TRANK1: variants seen among roughly 807,000 people sequenced by gnomAD.
TRANK1 encodes tetratricopeptide repeat and ankyrin repeat containing 1.
TRANK1 carries 198 observed loss-of-function variants against 266.0 expected under a neutral mutation model. That is an observed-to-expected ratio of 0.74 (90% CI 0.66 to 0.84). The LOEUF is 0.84. Ranked by LOEUF, TRANK1 falls within the 40% of genes least tolerant of loss-of-function variation. The probability of loss-of-function intolerance (pLI) is 0.00; values close to 1 mark genes in which losing one functional copy is unlikely to be tolerated. For synonymous variants in TRANK1, 1,396 were observed against 1,384.1 expected, an observed-to-expected ratio of 1.01 and a Z score of -0.19; for missense variants, 3,326 against 3,634.6, an observed-to-expected ratio of 0.92 and a Z score of 2.18.
At position 36,879,828 on chromosome 3, in the gene TRANK1, A is replaced by G. The variant is rs984310431; in HGVS notation, c.908-5532T>C. The stretch of plus-strand genomic sequence containing the variant: ...CAAATATATGTAAATATACAAATAT[A>G]TGTAAATATACAAATATATGTAAAT... On this transcript the variant is annotated intron_variant, in intron 8 of 23. Transcript: ENST00000645898. Among the ~76,000 whole-genome samples the G allele has an allele frequency of 1.2e-4, 13 of 109,678 alleles. 2 individuals carry two copies. The highest frequency in any genetic ancestry group is 2.2e-4 in the Non-Finnish European group (13 of 58,146). 72.0% of individuals were successfully genotyped at this position (109,678 alleles called of 152,430 possible).
Position 36,847,277 on chromosome 3 carries a change from G to T in TRANK1, c.4957C>A (p.Pro1653Thr). Reference sequence around the variant, plus strand: ...TTGTCCAGGGGTACTTCAACCAATGGCCGGTTTTCCTCTCTGGAGTCAGTT... The same window carrying T: ...TTGTCCAGGGGTACTTCAACCAATGTCCGGTTTTCCTCTCTGGAGTCAGTT... ...TSTDSREENR[P>T]LVEVPLDKPG... The change falls in exon 16 of 24, where the codon CCA becomes ACA. Residue 1653 changes from proline to threonine, a missense_variant. By Grantham distance (38) the Pro-to-Thr change is conservative. Transcript: ENST00000645898. The T allele has an allele frequency of 1.9e-6, 3 of 1,613,642 alleles. No homozygotes were observed. Among genetic ancestry groups the T allele is most frequent in the Non-Finnish European group, 2.5e-6 (3 of 1,179,766 alleles).
intron 8 of TRANK1, among the ~76,000 whole-genome samples, chr3:36,875,881 T>C (rs2079381285): frequency 6.6e-6 from 1 of 152,252 alleles, no homozygotes; most frequent in African/African-American, 2.4e-5. Flanking sequence ...AAGTAACGCT[T>C]AGAGCCTTAC....
At chr3:36,830,032 T>C (rs1469817354) in intron 22 of TRANK1, among the ~76,000 whole-genome samples, 3 of 152,154 alleles carry the variant, frequency 2.0e-5, no homozygotes, top group Admixed American at 6.5e-5. Flanking sequence ...TGATAAGAAG[T>C]AGCTAGTAAA....
At chr3:36,893,037 A>G (rs1200798788) in intron 5 of TRANK1, 53 bp from the exon 6 acceptor site, 4 of 1,063,390 alleles carry the variant, frequency 3.8e-6, no homozygotes, top group Non-Finnish European at 5.1e-6. Context: ...CACATAGGTT[A>G]TTAAAGCAAA....
chr3:36,865,007 G>C (rs572995960), intron 9 of TRANK1, among the ~76,000 whole-genome samples: 29 of 143,052 alleles, frequency 2.0e-4, no homozygotes, highest in Non-Finnish European at 3.4e-4. Flanking sequence ...GTTTTTGGGG[G>C]TTTTTTTGTT....
rs753770908 is a variant in TRANK1 at position 36,831,352 on chromosome 3, ATCTG to A, written c.8227_8230del (p.Gln2743TrpfsTer31). ...CCTGGCCTCCTCCCTGACACGCTCC[ATCTG>A]GGTGCCCACTCTTCTCCTCCAACTG... On this transcript the variant is annotated frameshift_variant, in exon 22 of 24. Transcript: ENST00000645898. LOFTEE classifies it high-confidence loss of function. The surrounding 1 kb of genome is among the most constrained non-coding windows in gnomAD (Gnocchi z 5.0). The A allele has an allele frequency of 1.7e-5, 28 of 1,613,312 alleles. No homozygotes were observed. Among genetic ancestry groups the A allele is most frequent in the Non-Finnish European group, 2.2e-5 (26 of 1,179,710 alleles).
At position 36,883,150 on chromosome 3, in the gene TRANK1, A is replaced by G. The variant is rs559237616; in HGVS notation, c.907+6679T>C. On this transcript the variant is annotated intron_variant, in intron 8 of 23. Coordinates refer to ENST00000645898, the MANE Select transcript of TRANK1 (RefSeq NM_001329998.2). ...GATTTCCAGGACATACTCTCAGTGA[A>G]AAAAATCAGGCAAGGTGCAATGGCT... 5.9e-5 allele frequency among the ~76,000 whole-genome samples: 9 copies of G among 152,312 alleles called. No individual in the cohort carries two copies. In the South Asian group the frequency reaches 1.9e-3, roughly 32 times the overall value.
At chr3:36,939,072 G>A (rs1369336043) in intron 1 of TRANK1, among the ~76,000 whole-genome samples, 1 of 152,102 alleles carries the variant, frequency 6.6e-6, no homozygotes, top group African/African-American at 2.4e-5. Context: ...AGGAGGTGGA[G>A]GATGCAGTGA....
In TRANK1 at chr3:36,849,086, C is replaced by T. The variant is rs147917134; in HGVS notation, c.4888-1740G>A. 3.9e-4 allele frequency among the ~76,000 whole-genome samples: 60 copies of T among 152,246 alleles called. No individual in the cohort carries two copies. The East Asian group carries it at 0.011, about 29-fold the overall frequency. ...AAAAGCAGGAAAATTTAAAGTCTTC[C>T]AGTTTCTTTTCTTGGTACTATCAAT... is the stretch of plus-strand genomic sequence containing the variant. On this transcript the variant is annotated intron_variant, in intron 15 of 23. Coordinates refer to ENST00000645898, the MANE Select transcript of TRANK1 (RefSeq NM_001329998.2).
intron 10 of TRANK1, 76 bp from the exon 11 acceptor site, chr3:36,861,236 A>T: frequency 6.9e-7 from 1 of 1,454,248 alleles, no homozygotes; most frequent in South Asian, 1.4e-5. Context: ...ACAACCCAAC[A>T]TCCATATATA....
intron 1 of TRANK1, among the ~76,000 whole-genome samples, chr3:36,918,544 A>T (rs202130797): frequency 3.4e-5 from 2 of 58,388 alleles, no homozygotes; most frequent in Admixed American, 1.9e-4. Context: ...GGAAGGAAGG[A>T]AGGAAGGAAG....
chr3:36,892,591 A>G (rs1159027753), intron 6 of TRANK1, among the ~76,000 whole-genome samples: 1 of 152,180 alleles, frequency 6.6e-6, no homozygotes, highest in African/African-American at 2.4e-5. Context: ...GCACTTTGGG[A>G]GGCCAAGGTG....
In TRANK1 at chr3:36,879,781, A is replaced by T. The variant is rs867736493; in HGVS notation, c.908-5485T>A. On this transcript the variant is annotated intron_variant, in intron 8 of 23. Transcript: ENST00000645898. ...ATATAAATATATATAAATATATATAAATATGTAAATATATAAATATACAAA... is the reference window on the plus strand; with the variant it reads ...ATATAAATATATATAAATATATATATATATGTAAATATATAAATATACAAA... Among the ~76,000 whole-genome samples the T allele has an allele frequency of 2.4e-4, 16 of 67,672 alleles. 3 individuals carry two copies. Among genetic ancestry groups the T allele is most frequent in the African/African-American group, 2.3e-4 (3 of 13,166 alleles). The allele number at this position is 67,672 out of a possible 152,430, so 44.4% of individuals were successfully genotyped here. A position where few individuals can be genotyped will look rare whatever the true frequency, so the allele number is the denominator to read the frequency against.
At chr3:36,861,226 A>G in intron 10 of TRANK1, 66 bp from the exon 11 acceptor site, 1 of 1,485,082 alleles carries the variant, frequency 6.7e-7, no homozygotes, top group South Asian at 1.3e-5. Flanking sequence ...TTCCCCAATC[A>G]CAACCCAACA....
chr3:36,846,801 C>T (rs1459551149), intron 16 of TRANK1, among the ~76,000 whole-genome samples: 1 of 152,106 alleles, frequency 6.6e-6, no homozygotes, highest in African/African-American at 2.4e-5. Context: ...TCAGTTTATC[C>T]CAAAGATTAC....
At chr3:36,917,494 G>A (rs983302934) in intron 1 of TRANK1, among the ~76,000 whole-genome samples, 4 of 152,172 alleles carry the variant, frequency 2.6e-5, no homozygotes, top group Non-Finnish European at 5.9e-5. Context: ...CTAAAAGAGA[G>A]GTCATCCCCG....
chr3:36,832,446 C>A lies in TRANK1; in HGVS notation c.7137G>T (p.Arg2379Ser). ...CAAATTTCCCTTCTATTCCTTTTAT[C>A]CTGCTGCCTCTCCCCCTGCCCCTTT... Reference protein sequence around the residue: ...KDERGRGRGSRIKGIEGKFGM... With the variant: ...KDERGRGRGSSIKGIEGKFGM... The change falls in exon 22 of 24, where the codon AGG becomes AGT. Residue 2379 changes from arginine (R) to serine (S), a missense_variant. Coordinates refer to ENST00000645898, the MANE Select transcript of TRANK1 (RefSeq NM_001329998.2). The A allele has an allele frequency of 1.2e-6, 2 of 1,613,952 alleles. No homozygotes were observed. The highest frequency in any genetic ancestry group is 1.7e-6 in the Non-Finnish European group (2 of 1,179,888).
chr3:36,846,620 C>T (rs953934859), intron 16 of TRANK1, among the ~76,000 whole-genome samples: 11 of 152,322 alleles, frequency 7.2e-5, no homozygotes, highest in African/African-American at 2.2e-4. Flanking sequence ...CTCTTTCCCA[C>T]CTAAGCAGGA....
At chr3:36,943,289 T>C (rs1228234193) in intron 1 of TRANK1, among the ~76,000 whole-genome samples, 1 of 152,132 alleles carries the variant, frequency 6.6e-6, no homozygotes, top group African/African-American at 2.4e-5. Context: ...CAATTTTACA[T>C]GTGTATGTGT....
Sources: allele counts gnomAD v4.1 joint callset (sites outside exome capture counted in the v4.1 genomes callset), GRCh38; gene constraint gnomAD v4.1.1; non-coding constraint Gnocchi (gnomAD v3.1); transcripts MANE v1.5; gene names NCBI Gene and HGNC (gene_info 2026-07-23, HGNC 2026-07-21).